Variants in MYOM1 observed in about 807,000 individuals in gnomAD.
The protein encoded by MYOM1 is myomesin 1.
A neutral mutation model predicts 205.3 loss-of-function variants in MYOM1; 164 were observed. That is an observed-to-expected ratio of 0.80 (90% CI 0.70 to 0.91). The LOEUF is 0.91. MYOM1 is among the 40% of genes least tolerant of loss of function. The probability of loss-of-function intolerance (pLI) is 0.00; values close to 1 mark genes in which losing one functional copy is unlikely to be tolerated. For missense variants in MYOM1, 2,011 were observed against 2,127.3 expected (o/e 0.95, Z 1.08); for synonymous variants, 772 against 789.4 (o/e 0.98, Z 0.37).
intron 1 of MYOM1, among the ~76,000 whole-genome samples, chr18:3,218,187 A>C (rs1365829506): frequency 6.6e-6 from 1 of 152,218 alleles, no homozygotes; most frequent in Non-Finnish European, 1.5e-5. Flanking sequence ...CCTATCAGCC[A>C]CGTTGACAAC....
chr18:3,133,718 C>G (rs1203889539), intron 16 of MYOM1, among the ~76,000 whole-genome samples: 1 of 152,012 alleles, frequency 6.6e-6, no homozygotes, highest in Non-Finnish European at 1.5e-5. Flanking sequence ...GCAGCAAAAG[C>G]ACTATGAAAT....
chr18:3,189,204 C>T lies in MYOM1; in HGVS notation c.432-117G>A. On this transcript the variant is annotated intron_variant, in intron 3 of 37. Coordinates refer to ENST00000356443, the MANE Select transcript of MYOM1 (RefSeq NM_003803.4). The surrounding 1 kb of genome is among the most constrained non-coding windows in gnomAD (Gnocchi z 4.8). Reference sequence around the variant, plus strand: ...ACTGTATCCTGCACCAAAAGAAAATCCGACATAGAAAAAGCAGGTGAATCA... The same window carrying T: ...ACTGTATCCTGCACCAAAAGAAAATTCGACATAGAAAAAGCAGGTGAATCA... 2.1e-6 allele frequency: 2 copies of T among 963,400 alleles called. No homozygotes were observed. Among genetic ancestry groups the T allele is most frequent in the Non-Finnish European group, 3.0e-6 (2 of 665,772 alleles). 59.7% of individuals were successfully genotyped at this position (963,400 alleles called of 1,614,324 possible). A position where few individuals can be genotyped will look rare whatever the true frequency, so the allele number is the denominator to read the frequency against.
At chr18:3,160,112 C>CTTT (rs1041526848) in intron 10 of MYOM1, among the ~76,000 whole-genome samples, 2 of 149,228 alleles carry the variant, frequency 1.3e-5, no homozygotes, top group Admixed American at 1.3e-4. Context: ...CCTTCTTCTT[C>CTTT]TTCTCTTCCT....
chr18:3,075,514 TTG>T (rs2079011297), intron 35 of MYOM1, 38 bp from the exon 36 acceptor site: 1 of 1,603,372 alleles, frequency 6.2e-7, no homozygotes, highest in African/African-American at 1.3e-5. Flanking sequence ...ACGAAGAATT[TTG>T]TGTTAGTGTT....
At chr18:3,103,699 C>T (rs7230947) in intron 22 of MYOM1, among the ~76,000 whole-genome samples, 35,300 of 151,988 alleles carry the variant, frequency 0.23, 4,455 homozygotes, top group African/African-American at 0.32. Context: ...GATTGTATTA[C>T]AAGAGGCCAA....
At chr18:3,087,412 A>C (rs1223728499) in intron 29 of MYOM1, among the ~76,000 whole-genome samples, 3 of 151,534 alleles carry the variant, frequency 2.0e-5, no homozygotes, top group African/African-American at 7.3e-5. Flanking sequence ...CCGGGATGGC[A>C]AAGGTCATAG....
At chr18:3,073,546 G>A (rs1434868154) in intron 36 of MYOM1, among the ~76,000 whole-genome samples, 3 of 152,224 alleles carry the variant, frequency 2.0e-5, no homozygotes, top group African/African-American at 4.8e-5. Flanking sequence ...CTGGTTTCCT[G>A]TGTGACATGC....
chr18:3,233,304 T>G, the MYOM1 span, among the ~76,000 whole-genome samples: 1 of 152,232 alleles, frequency 6.6e-6, no homozygotes, highest in Non-Finnish European at 1.5e-5. Flanking sequence ...CCCTTACTTT[T>G]TCTACTACTT....
chr18:3,177,628 C>A (rs375037394), intron 5 of MYOM1, among the ~76,000 whole-genome samples: 1 of 152,026 alleles, frequency 6.6e-6, no homozygotes, highest in Admixed American at 6.5e-5. Flanking sequence ...CCGGCCACTA[C>A]GCCTGGCTAG....
chr18:3,218,740 TAAAG>T (rs1171106004), intron 1 of MYOM1, among the ~76,000 whole-genome samples: 1 of 152,222 alleles, frequency 6.6e-6, no homozygotes, highest in Non-Finnish European at 1.5e-5. Context: ...AAATAAATAA[TAAAG>T]AAACTTGTTA....
chr18:3,097,070 TA>T (rs1478237952), intron 25 of MYOM1, among the ~76,000 whole-genome samples: 1 of 152,172 alleles, frequency 6.6e-6, no homozygotes, highest in African/African-American at 2.4e-5. Flanking sequence ...GAAAACAGCT[TA>T]AAATAGGAGA....
intron 21 of MYOM1, among the ~76,000 whole-genome samples, chr18:3,115,886 CG>C (rs1345362035): frequency 6.6e-6 from 1 of 152,062 alleles, no homozygotes; most frequent in Non-Finnish European, 1.5e-5. Flanking sequence ...GAGGAGGTAA[CG>C]TGAGACAGGA....
intron 3 of MYOM1, chr18:3,190,444 T>G (rs1273687850): frequency 6.6e-6 from 1 of 152,172 alleles, no homozygotes; most frequent in Non-Finnish European, 1.5e-5. Context: ...TTGCCAAGAT[T>G]GGGGTTTCTC....
chr18:3,132,104 T>TTA (rs1249399007), intron 16 of MYOM1, among the ~76,000 whole-genome samples: 63 of 87,074 alleles, frequency 7.2e-4, no homozygotes, highest in Admixed American at 7.0e-3. Flanking sequence ...AAAATTATTA[T>TTA]TATATATGTG....
intron 22 of MYOM1, among the ~76,000 whole-genome samples, chr18:3,103,338 G>T (rs2079406757): frequency 6.6e-6 from 1 of 152,208 alleles, no homozygotes; most frequent in South Asian, 2.1e-4. Flanking sequence ...AGTTTCAAGA[G>T]ATTCAGCTCT....
intron 21 of MYOM1, among the ~76,000 whole-genome samples, chr18:3,112,711 A>G (rs952475608): frequency 6.6e-6 from 1 of 152,252 alleles, no homozygotes; most frequent in Middle Eastern, 3.2e-3. Context: ...AGACTAGTGT[A>G]CGTAGGTGTC....
intron 22 of MYOM1, among the ~76,000 whole-genome samples, chr18:3,107,368 T>C (rs9964209): frequency 0.93 from 141,501 of 152,280 alleles, 65,758 homozygotes; most frequent in East Asian, 0.96. Context: ...CCACCCACCT[T>C]GGCCTCCCAA....
In MYOM1 at chr18:3,190,538, T is replaced by G. The variant is rs913515890; in HGVS notation, c.432-1451A>C. The G allele has an allele frequency of 5.3e-5, 8 of 152,308 alleles. No homozygotes were observed. The South Asian group carries it at 1.0e-3, about 20-fold the overall frequency. 9.4% of individuals were successfully genotyped at this position (152,308 alleles called of 1,614,324 possible). ...TGTAGTGAGTAAATTTTAAGTTTTTTTCTCTCTCCGTAAATATTAATAAGC... is the reference window on the plus strand; with the variant it reads ...TGTAGTGAGTAAATTTTAAGTTTTTGTCTCTCTCCGTAAATATTAATAAGC... On this transcript the variant is annotated intron_variant, in intron 3 of 37. Transcript: ENST00000356443.
rs377324484 is a variant in MYOM1, at chr18:3,086,097, T to G, written c.4192A>C (p.Ile1398Leu). 3 of 1,612,238 alleles carry G rather than the reference T, an allele frequency of 1.9e-6. No individual in the cohort carries two copies. In the South Asian group the frequency reaches 3.3e-5, roughly 18 times the overall value. The change falls in exon 30 of 38, where the codon ATA becomes CTA. Residue 1398 changes from isoleucine to leucine, a missense_variant. Ile to Leu is a conservative substitution (Grantham distance 5, BLOSUM62 2). Transcript: ENST00000356443. Reference sequence around the variant, plus strand: ...AAGTCATGCTTTTCATCCACTGATATCTCCCTCTCATCTTTGTACCACACA... The same window carrying G: ...AAGTCATGCTTTTCATCCACTGATAGCTCCCTCTCATCTTTGTACCACACA... ...HIVWYKDEREISVDEKHDFKD... is the reference protein window; with the variant it reads ...HIVWYKDERELSVDEKHDFKD...
Sources: allele counts gnomAD v4.1 joint callset (sites outside exome capture counted in the v4.1 genomes callset), GRCh38; gene constraint gnomAD v4.1.1; non-coding constraint Gnocchi (gnomAD v3.1); transcripts MANE v1.5; gene names NCBI Gene and HGNC (gene_info 2026-07-23, HGNC 2026-07-21).